FLT1: variants seen among roughly 807,000 people sequenced by gnomAD.
FLT1 encodes fms related receptor tyrosine kinase 1.
A neutral mutation model predicts 156.3 loss-of-function variants in FLT1; 49 were observed. That is an observed-to-expected ratio of 0.31 (90% confidence interval 0.25 to 0.40). The LOEUF is 0.40. FLT1 is among the 10% of genes least tolerant of loss of function. The probability of loss-of-function intolerance (pLI) is 1.00; values close to 1 mark genes in which losing one functional copy is unlikely to be tolerated. For synonymous variants in FLT1, 594 were observed against 583.8 expected, an observed-to-expected ratio of 1.02 and a Z score of -0.25; for missense variants, 1,322 against 1,637.2, an observed-to-expected ratio of 0.81 and a Z score of 3.32.
chr13:28,440,071 C>T (rs566169318), intron 3 of FLT1, among the ~76,000 whole-genome samples: 7 of 152,228 alleles, frequency 4.6e-5, no homozygotes, highest in Admixed American at 2.6e-4. Flanking sequence ...ACTCATCCTC[C>T]GGGAAGCCTT....
chr13:28,387,217 C>T, intron 13 of FLT1: 1 of 1,038,964 alleles, frequency 9.6e-7, no homozygotes, highest in Non-Finnish European at 1.2e-6. Context: ...TTCACATAAA[C>T]ACTCTGAAAT....
chr13:28,355,245 C>T (rs1051099298), intron 15 of FLT1, among the ~76,000 whole-genome samples: 2 of 152,192 alleles, frequency 1.3e-5, no homozygotes, highest in Non-Finnish European at 2.9e-5. Context: ...ACTTGAGTTT[C>T]CATCTTCCCA....
intron 14 of FLT1, among the ~76,000 whole-genome samples, chr13:28,363,981 G>A (rs868664965): frequency 5.9e-5 from 9 of 152,086 alleles, no homozygotes; most frequent in Admixed American, 5.2e-4. Context: ...ACATTTCCCT[G>A]ATTACTAGCT....
At position 28,300,525 on chromosome 13, in the gene FLT1, A is replaced by ACACCCACACC; in HGVS notation, c.*2641_*2642insGGTGTGGGTG. 4.7e-5 allele frequency: 1 copy of ACACCCACACC among 21,346 alleles called. No homozygotes were observed. The highest frequency in any genetic ancestry group is 6.3e-5 in the African/African-American group (1 of 15,978). The allele number at this position is 21,346 out of a possible 1,614,324, so 1.3% of individuals were successfully genotyped here. On this transcript the variant is annotated 3_prime_UTR_variant, in exon 30 of 30. Transcript: ENST00000282397. The stretch of plus-strand genomic sequence containing the variant: ...ATGCACAAAACACACATACACCCAC[A>ACACCCACACC]CACACACACACACACACACACACAC...
chr13:28,412,900 G>C (rs1316014347), intron 10 of FLT1, among the ~76,000 whole-genome samples: 2 of 152,020 alleles, frequency 1.3e-5, no homozygotes. Flanking sequence ...TAGGAGAGTG[G>C]ATGCTGGCAG....
intron 1 of FLT1, among the ~76,000 whole-genome samples, chr13:28,473,517 C>T (rs535586186): frequency 2.5e-4 from 38 of 151,468 alleles, no homozygotes; most frequent in East Asian, 1.8e-3. Context: ...TGGTGGTGCG[C>T]GCCTGTAGTC....
intron 11 of FLT1, chr13:28,398,939 C>T: frequency 1.3e-6 from 1 of 781,600 alleles, no homozygotes; most frequent in Non-Finnish European, 2.2e-6. Context: ...AAAGAGAGCT[C>T]AGGTGTCCCT....
intron 15 of FLT1, among the ~76,000 whole-genome samples, chr13:28,356,753 G>A (rs1368220318): frequency 6.6e-6 from 1 of 152,192 alleles, no homozygotes; most frequent in Admixed American, 6.5e-5. Context: ...ATAGGCTACT[G>A]AACAAATACC....
At chr13:28,388,176 C>T in intron 13 of FLT1, 1 of 1,057,874 alleles carries the variant, frequency 9.5e-7, no homozygotes, top group Non-Finnish European at 1.1e-6. Flanking sequence ...ATTGATTTTT[C>T]TTTCCTTTGG....
chr13:28,483,984 T>C (rs554261622), intron 1 of FLT1, among the ~76,000 whole-genome samples: 1 of 152,312 alleles, frequency 6.6e-6, no homozygotes, highest in South Asian at 2.1e-4. Context: ...GTTCCATAAA[T>C]GGATGGCCCT....
At chr13:28,453,025 CCCTTTCCTTT>C (rs1195003854) in intron 3 of FLT1, among the ~76,000 whole-genome samples, 1 of 16,200 alleles carries the variant, frequency 6.2e-5, no homozygotes. Flanking sequence ...CCTCCCCCTC[CCCTTTCCTTT>C]CCTTTCCTTT....
At chr13:28,360,966 A>G (rs1873091220) in intron 14 of FLT1, among the ~76,000 whole-genome samples, 1 of 152,114 alleles carries the variant, frequency 6.6e-6, no homozygotes, top group South Asian at 2.1e-4. Context: ...ATATATAATT[A>G]TTATTATTTG....
intron 18 of FLT1, among the ~76,000 whole-genome samples, chr13:28,330,492 C>G (rs1871881073): frequency 6.6e-6 from 1 of 151,298 alleles, no homozygotes; most frequent in African/African-American, 2.4e-5. Context: ...AAAGCAAAAG[C>G]CACTCCGACC....
chr13:28,368,648 G>C (rs755556693), intron 14 of FLT1: 4 of 1,080,826 alleles, frequency 3.7e-6, no homozygotes, highest in Admixed American at 2.0e-5. Flanking sequence ...CGATGGTGAC[G>C]TTGATGTATA....
Position 28,302,375 on chromosome 13 carries a change from T to C in FLT1, c.*792A>G, listed in dbSNP as rs1449138899. On this transcript the variant is annotated 3_prime_UTR_variant, in exon 30 of 30. Coordinates refer to ENST00000282397, the MANE Select transcript of FLT1 (RefSeq NM_002019.4). ...ATGGGCTCAGAGTTGAGTGCCACCC[T>C]CAGTGCTACAAATCAAAACATGCCA... 8.6e-6 allele frequency: 2 copies of C among 233,234 alleles called. No homozygotes were observed. The highest frequency in any genetic ancestry group is 1.7e-5 in the Non-Finnish European group (2 of 118,064). The allele number at this position is 233,234 out of a possible 1,614,324, so 14.4% of individuals were successfully genotyped here. A position where few individuals can be genotyped will look rare whatever the true frequency, so the allele number is the denominator to read the frequency against.
At chr13:28,494,438 G>T (rs1288755868) in intron 1 of FLT1, among the ~76,000 whole-genome samples, 2 of 152,214 alleles carry the variant, frequency 1.3e-5, no homozygotes, top group African/African-American at 2.4e-5. Context: ...CCCGGTGCGT[G>T]CTGCTCCTAG....
rs1555299030 is a variant in FLT1, at chr13:28,313,908, A to AAGAGAG, written c.3387-1811_3387-1810insCTCTCT. Among the ~76,000 whole-genome samples, 28 of 143,722 alleles carry AAGAGAG rather than the reference A, an allele frequency of 1.9e-4. 2 individuals are homozygous for AAGAGAG. Among genetic ancestry groups the AAGAGAG allele is most frequent in the East Asian group, 1.0e-3 (5 of 4,980 alleles). The allele number at this position is 143,722 out of a possible 152,430, so 94.3% of individuals were successfully genotyped here. A position where few individuals can be genotyped will look rare whatever the true frequency, so the allele number is the denominator to read the frequency against. On this transcript the variant is annotated intron_variant, in intron 25 of 29. Coordinates refer to ENST00000282397, the MANE Select transcript of FLT1 (RefSeq NM_002019.4). Reference sequence around the variant, plus strand: ...GGAGGTAAAAAAAAAAAAAAAAAAAAAGAAGAATCCGGGTGTGGTGGCTCA... The same window carrying AAGAGAG: ...GGAGGTAAAAAAAAAAAAAAAAAAAAAGAGAGAGAAGAATCCGGGTGTGGTGGCTCA...
chr13:28,382,192 T>C (rs868414321), intron 14 of FLT1, among the ~76,000 whole-genome samples: 17 of 152,120 alleles, frequency 1.1e-4, no homozygotes, highest in Middle Eastern at 3.2e-3. Flanking sequence ...TGCCTCCTAT[T>C]TGTGGGAGTT....
intron 27 of FLT1, 116 bp from the exon 28 acceptor site, chr13:28,309,043 A>G: frequency 1.4e-6 from 1 of 692,578 alleles, no homozygotes; most frequent in South Asian, 1.5e-5. Flanking sequence ...AACAGGAATC[A>G]CCTAACTCCT....
Sources: allele counts gnomAD v4.1 joint callset (sites outside exome capture counted in the v4.1 genomes callset), GRCh38; gene constraint gnomAD v4.1.1; transcripts MANE v1.5; gene names NCBI Gene and HGNC (gene_info 2026-07-23, HGNC 2026-07-21).